ACSS3: variants seen among roughly 807,000 people sequenced by gnomAD.
The protein encoded by ACSS3 is acyl-CoA synthetase short chain family member 3.
Under a neutral mutation model 84.2 loss-of-function variants are expected in ACSS3, and 64 were observed. The ratio of observed to expected loss-of-function variants is 0.76; its 90% CI spans 0.62 to 0.94. The LOEUF (loss-of-function observed/expected upper bound fraction) is 0.94. Among genes scored for constraint, ACSS3 ranks in the 40% least tolerant of loss-of-function variants. The probability of loss-of-function intolerance (pLI) is 0.00; values close to 1 mark genes in which losing one functional copy is unlikely to be tolerated. For missense variants in ACSS3, 815 were observed against 867.6 expected, an observed-to-expected ratio of 0.94 and a Z score of 0.76; for synonymous variants, 317 against 310.1, an observed-to-expected ratio of 1.02 and a Z score of -0.23.
In ACSS3 at chr12:81,202,429, C is replaced by A. The variant is rs1445780244; in HGVS notation, c.1354+2985C>A. On this transcript the variant is annotated intron_variant, in intron 9 of 15. Coordinates refer to ENST00000548058, the MANE Select transcript of ACSS3 (RefSeq NM_024560.4). ...TGAAATATTACAAAAAGATAAACATCTGGTATTACAAGTGCATTAATGAGT... is the reference window on the plus strand; with the variant it reads ...TGAAATATTACAAAAAGATAAACATATGGTATTACAAGTGCATTAATGAGT... 2.0e-5 allele frequency among the ~76,000 whole-genome samples: 3 copies of A among 152,202 alleles called. No homozygotes were observed. The East Asian group carries it at 5.8e-4, about 29-fold the overall frequency.
In ACSS3 at chr12:81,107,503, AATATATACATATATAT is replaced by A. The variant is rs1461749755; in HGVS notation, c.312-2049_312-2034del. 3.5e-3 allele frequency among the ~76,000 whole-genome samples: 207 copies of A among 59,572 alleles called. 15 individuals carry two copies. The highest frequency in any genetic ancestry group is 6.0e-3 in the Admixed American group (28 of 4,632). 39.1% of individuals were successfully genotyped at this position (59,572 alleles called of 152,430 possible). On this transcript the variant is annotated intron_variant, in intron 1 of 15. Transcript: ENST00000548058. ...AGAAATGTTTTTTTTTTCAGGTACA[AATATATACATATATAT>A]ATATATATATATATATATATATATA...
intron 13 of ACSS3, among the ~76,000 whole-genome samples, chr12:81,245,228 G>A (rs1393000776): frequency 6.6e-6 from 1 of 152,144 alleles, no homozygotes; most frequent in South Asian, 2.1e-4. Context: ...ATGGGAGGCC[G>A]AGATGGGTGG....
chr12:81,170,013 C>T (rs966157757), intron 7 of ACSS3, among the ~76,000 whole-genome samples: 21 of 152,014 alleles, frequency 1.4e-4, no homozygotes, highest in Non-Finnish European at 4.4e-5. Flanking sequence ...AAAAAAGAGG[C>T]AAAACTGCAG....
chr12:81,102,350 A>G (rs1471931449), intron 1 of ACSS3, among the ~76,000 whole-genome samples: 1 of 152,140 alleles, frequency 6.6e-6, no homozygotes, highest in Non-Finnish European at 1.5e-5. Context: ...AGGATCCTCT[A>G]TGGAGAAACT....
intron 13 of ACSS3, among the ~76,000 whole-genome samples, chr12:81,242,784 A>G (rs533750744): frequency 6.8e-6 from 1 of 147,352 alleles, no homozygotes; most frequent in Admixed American, 6.8e-5. Context: ...TAGATGCAGA[A>G]AAGGCCTTCA....
intron 13 of ACSS3, among the ~76,000 whole-genome samples, chr12:81,240,465 A>G (rs1384549847): frequency 6.6e-6 from 1 of 152,034 alleles, no homozygotes; most frequent in African/African-American, 2.4e-5. Flanking sequence ...TTCAGAAAAC[A>G]TATAATTGAG....
chr12:81,098,790 T>C (rs1882274105), intron 1 of ACSS3, among the ~76,000 whole-genome samples: 2 of 152,234 alleles, frequency 1.3e-5, no homozygotes, highest in South Asian at 2.1e-4. Flanking sequence ...CTACATTCCT[T>C]TTCACATCCA....
At chr12:81,101,294 A>T (rs977106439) in intron 1 of ACSS3, among the ~76,000 whole-genome samples, 3 of 152,148 alleles carry the variant, frequency 2.0e-5, no homozygotes, top group Admixed American at 6.6e-5. Flanking sequence ...AGCAAGCTAG[A>T]CCATTAAAAT....
At chr12:81,193,749 T>A (rs919042774) in intron 8 of ACSS3, among the ~76,000 whole-genome samples, 53 of 152,082 alleles carry the variant, frequency 3.5e-4, no homozygotes, top group African/African-American at 1.2e-3. Context: ...ATTATTAAAC[T>A]CTTGAATTAG....
chr12:81,177,182 A>G (rs964702942), intron 8 of ACSS3, among the ~76,000 whole-genome samples: 2 of 152,210 alleles, frequency 1.3e-5, no homozygotes, highest in Non-Finnish European at 2.9e-5. Context: ...AGGCTCATCT[A>G]TAACAAATCT....
At chr12:81,148,379 A>G (rs1040261341) in intron 5 of ACSS3, among the ~76,000 whole-genome samples, 4 of 152,190 alleles carry the variant, frequency 2.6e-5, no homozygotes, top group African/African-American at 4.8e-5. Flanking sequence ...CTTGTCTTCA[A>G]AAGTAGCTCA....
At chr12:81,170,596 A>T (rs538737186) in intron 7 of ACSS3, among the ~76,000 whole-genome samples, 5 of 152,122 alleles carry the variant, frequency 3.3e-5, no homozygotes, top group Non-Finnish European at 7.4e-5. Context: ...ACTGGTAACC[A>T]CATTGATTTG....
intron 5 of ACSS3, among the ~76,000 whole-genome samples, chr12:81,149,464 A>G (rs1056252289): frequency 6.6e-6 from 1 of 152,168 alleles, no homozygotes; most frequent in Non-Finnish European, 1.5e-5. Context: ...ATACTTTCAA[A>G]CCTCTTACAA....
At chr12:81,202,437 A>C (rs577209744) in intron 9 of ACSS3, among the ~76,000 whole-genome samples, 222 of 152,328 alleles carry the variant, frequency 1.5e-3, no homozygotes, top group Non-Finnish European at 1.4e-3. Flanking sequence ...ATCTGGTATT[A>C]CAAGTGCATT....
rs563376662 is a variant in ACSS3, at chr12:81,175,056, A to C, written c.1250+117A>C. On this transcript the variant is annotated intron_variant, in intron 8 of 15. Coordinates refer to ENST00000548058, the MANE Select transcript of ACSS3 (RefSeq NM_024560.4). ...TTATAGGAAGAGCCAAAAGATTCAGAGTGTTATTAAGAACAACTTGTCTAA... is the reference window on the plus strand; with the variant it reads ...TTATAGGAAGAGCCAAAAGATTCAGCGTGTTATTAAGAACAACTTGTCTAA... The C allele has an allele frequency of 2.8e-5, 31 of 1,104,664 alleles. 1 individual carries two copies. The highest frequency in any genetic ancestry group is 3.0e-4 in the Middle Eastern group (1 of 3,388). The allele number at this position is 1,104,664 out of a possible 1,614,324, so 68.4% of individuals were successfully genotyped here.
chr12:81,260,463 A>G lies in ACSS3; in HGVS notation c.*5541A>G. On this transcript the variant is annotated 3_prime_UTR_variant, in exon 16 of 16. Transcript: ENST00000548058. ...AGTGTTCATTTCCTGAAGAAATTAT[A>G]ATGCTATGTGTAGAATCTAATATAA... The G allele has an allele frequency of 6.6e-6, 1 of 152,188 alleles. No individual in the cohort carries two copies. Among genetic ancestry groups the G allele is most frequent in the Non-Finnish European group, 1.5e-5 (1 of 68,032 alleles). 9.4% of individuals were successfully genotyped at this position (152,188 alleles called of 1,614,324 possible).
intron 8 of ACSS3, among the ~76,000 whole-genome samples, chr12:81,182,761 A>G (rs1480503563): frequency 6.6e-6 from 1 of 152,148 alleles, no homozygotes; most frequent in Non-Finnish European, 1.5e-5. Flanking sequence ...TTCTCTCCCC[A>G]GTCTCAGGAC....
intron 2 of ACSS3, among the ~76,000 whole-genome samples, chr12:81,127,296 CA>C (rs1885166522): frequency 6.6e-6 from 1 of 151,754 alleles, no homozygotes; most frequent in Admixed American, 6.6e-5. Flanking sequence ...AATTCTCTTC[CA>C]AAAAAGATAG....
At chr12:81,144,322 C>G (rs1201463647) in intron 5 of ACSS3, among the ~76,000 whole-genome samples, 1 of 152,142 alleles carries the variant, frequency 6.6e-6, no homozygotes, top group Non-Finnish European at 1.5e-5. Context: ...TTGTTGAATT[C>G]ATACGTAGAT....
Sources: gnomAD v4.1 joint callset for allele counts (sites outside exome capture counted in the v4.1 genomes callset) on GRCh38, gnomAD v4.1.1 for gene constraint, MANE v1.5 for transcripts, NCBI Gene and HGNC (gene_info 2026-07-23, HGNC 2026-07-21) for gene names.